MYO1D: variants seen among roughly 807,000 people sequenced by gnomAD.
The protein encoded by MYO1D is myosin ID.
Under a neutral mutation model 122.0 loss-of-function variants are expected in MYO1D, and 83 were observed. The ratio of observed to expected loss-of-function variants is 0.68; its 90% CI spans 0.57 to 0.82. MYO1D has a LOEUF of 0.82. Ranked by LOEUF, MYO1D falls within the 40% of genes least tolerant of loss-of-function variation. The pLI is 0.00. For synonymous variants in MYO1D, 464 were observed against 446.9 expected, an observed-to-expected ratio of 1.04 and a Z score of -0.48; for missense variants, 1,157 against 1,269.5, an observed-to-expected ratio of 0.91 and a Z score of 1.35.
intron 16 of MYO1D, among the ~76,000 whole-genome samples, chr17:32,696,908 C>T (rs1225610549): frequency 6.6e-6 from 1 of 152,200 alleles, no homozygotes; most frequent in Non-Finnish European, 1.5e-5. Flanking sequence ...TGTCAAGTTC[C>T]AGCTCTAATT....
At chr17:32,629,662 C>T (rs930651112) in intron 20 of MYO1D, among the ~76,000 whole-genome samples, 1 of 149,272 alleles carries the variant, frequency 6.7e-6, no homozygotes, top group East Asian at 2.0e-4. Flanking sequence ...ATCCGGGAGG[C>T]GGAGGTTGCA....
At position 32,863,846 on chromosome 17, in the gene MYO1D, G is replaced by A. The variant is rs529684094; in HGVS notation, c.95+12932C>T. ...CAGAAATCAGTCTCATTTTAAGACT[G>A]AGCCATTAAAGGCTCAGAGAACTGA... On this transcript the variant is annotated intron_variant, in intron 1 of 21. Transcript: ENST00000318217. 5.5e-4 allele frequency among the ~76,000 whole-genome samples: 83 copies of A among 152,150 alleles called. 1 individual carries two copies. In the Middle Eastern group the frequency reaches 0.014, roughly 25 times the overall value.
chr17:32,658,839 A>T (rs113656706), intron 17 of MYO1D: 5 of 419,858 alleles, frequency 1.2e-5, no homozygotes, highest in African/African-American at 6.0e-5. Flanking sequence ...AAGTAGAAAC[A>T]GCATGCTAGT....
At chr17:32,825,589 G>A (rs774227131) in intron 1 of MYO1D, among the ~76,000 whole-genome samples, 8 of 152,104 alleles carry the variant, frequency 5.3e-5, no homozygotes, top group Non-Finnish European at 8.8e-5. Flanking sequence ...CACTGCACCC[G>A]GCCCAATTTT....
intron 21 of MYO1D, among the ~76,000 whole-genome samples, chr17:32,587,615 G>C (rs1438622898): frequency 6.6e-6 from 1 of 152,068 alleles, no homozygotes; most frequent in East Asian, 1.9e-4. Flanking sequence ...TATTTAACAA[G>C]GCTGAGTTTT....
chr17:32,745,028 T>C (rs530293601), intron 13 of MYO1D, among the ~76,000 whole-genome samples, 183 bp downstream of exon 13: 1 of 152,170 alleles, frequency 6.6e-6, no homozygotes, highest in Non-Finnish European at 1.5e-5. Flanking sequence ...TATTAGCAGG[T>C]CCCTGCCCAA....
intron 21 of MYO1D, among the ~76,000 whole-genome samples, chr17:32,599,929 AG>A (rs2087543741): frequency 6.6e-6 from 1 of 152,250 alleles, no homozygotes; most frequent in Non-Finnish European, 1.5e-5. Context: ...TTGGGATTAT[AG>A]GCGTGAGCCA....
At chr17:32,667,622 C>T (rs570834689) in intron 16 of MYO1D, among the ~76,000 whole-genome samples, 4 of 152,240 alleles carry the variant, frequency 2.6e-5, no homozygotes, top group Non-Finnish European at 4.4e-5. Flanking sequence ...CATTACAAGC[C>T]GTCCTGATGA....
At chr17:32,651,820 T>C (rs1045595627) in intron 19 of MYO1D, among the ~76,000 whole-genome samples, 7 of 151,758 alleles carry the variant, frequency 4.6e-5, no homozygotes, top group African/African-American at 1.5e-4. Flanking sequence ...GGACTACAGG[T>C]GCACACCACC....
intron 21 of MYO1D, among the ~76,000 whole-genome samples, chr17:32,587,512 CAAAAAAA>C (rs576200395): frequency 1.1e-4 from 11 of 104,236 alleles, no homozygotes; most frequent in Admixed American, 5.7e-4. Context: ...AACTCCGTTT[CAAAAAAA>C]AAAAAAAAAA....
intron 20 of MYO1D, among the ~76,000 whole-genome samples, chr17:32,609,373 T>C (rs2087670660): frequency 6.6e-6 from 1 of 152,158 alleles, no homozygotes. Context: ...ACACGGCCTG[T>C]GGTAGGGACA....
At chr17:32,802,164 C>A (rs369498461) in intron 1 of MYO1D, among the ~76,000 whole-genome samples, 1 of 152,186 alleles carries the variant, frequency 6.6e-6, no homozygotes, top group East Asian at 1.9e-4. Flanking sequence ...CAGCTCAAGT[C>A]TGTGCTCTTC....
At chr17:32,701,716 C>G (rs1458044193) in intron 16 of MYO1D, among the ~76,000 whole-genome samples, 1 of 152,124 alleles carries the variant, frequency 6.6e-6, no homozygotes, top group East Asian at 1.9e-4. Context: ...GTGTGCTCCA[C>G]TATGCTCAGT....
At chr17:32,755,465 GGAA>G (rs761178362) in intron 11 of MYO1D, 24 bp downstream of exon 11, 101 of 1,604,248 alleles carry the variant, frequency 6.3e-5, no homozygotes, top group East Asian at 2.2e-5. Context: ...ACAGATAAAA[GGAA>G]GAAGGTGTCA....
intron 21 of MYO1D, among the ~76,000 whole-genome samples, chr17:32,515,465 G>T (rs1909857210): frequency 6.6e-6 from 1 of 151,946 alleles, no homozygotes; most frequent in African/African-American, 2.4e-5. Context: ...CTAATTTTTT[G>T]ATTTTTTGTA....
intron 1 of MYO1D, among the ~76,000 whole-genome samples, chr17:32,859,770 T>C (rs2091054612): frequency 6.6e-6 from 1 of 152,222 alleles, no homozygotes; most frequent in African/African-American, 2.4e-5. Flanking sequence ...GAATAAATCC[T>C]ATTCTGTCTA....
intron 16 of MYO1D, among the ~76,000 whole-genome samples, chr17:32,691,170 T>C (rs952358526): frequency 6.6e-6 from 1 of 151,588 alleles, no homozygotes; most frequent in African/African-American, 2.4e-5. Flanking sequence ...CACAGGAGGA[T>C]TGCTTGAGCC....
In MYO1D at chr17:32,832,449, G is replaced by A. The variant is rs144147088; in HGVS notation, c.95+44329C>T. Among the ~76,000 whole-genome samples, 988 of 151,950 alleles carry A rather than the reference G, an allele frequency of 6.5e-3. 15 individuals carry two copies. The highest frequency in any genetic ancestry group is 0.023 in the African/African-American group (935 of 41,440). On this transcript the variant is annotated intron_variant, in intron 1 of 21. Coordinates refer to ENST00000318217, the MANE Select transcript of MYO1D (RefSeq NM_015194.3). Reference sequence around the variant, plus strand: ...CGAGTAGCTGGGACTACAGGCGCCCGCCACCACGCCCAGCTAATTTTTGTA... The same window carrying A: ...CGAGTAGCTGGGACTACAGGCGCCCACCACCACGCCCAGCTAATTTTTGTA...
intron 21 of MYO1D, among the ~76,000 whole-genome samples, chr17:32,578,338 T>C (rs1037242942): frequency 2.6e-5 from 4 of 152,244 alleles, no homozygotes; most frequent in African/African-American, 9.6e-5. Context: ...GTTAGGAAAC[T>C]ATACCCCATC....
Sources: allele counts gnomAD v4.1 joint callset (sites outside exome capture counted in the v4.1 genomes callset), GRCh38; gene constraint gnomAD v4.1.1; transcripts MANE v1.5; gene names NCBI Gene and HGNC (gene_info 2026-07-23, HGNC 2026-07-21).